FBXW2: variants seen among roughly 807,000 people sequenced by gnomAD.
The protein encoded by FBXW2 is F-box and WD repeat domain containing 2.
Under a neutral mutation model 46.0 loss-of-function variants are expected in FBXW2, and 12 were observed. The ratio of observed to expected loss-of-function variants is 0.26; its 90% CI spans 0.17 to 0.42. The LOEUF (loss-of-function observed/expected upper bound fraction) is 0.42. FBXW2 is among the 10% of genes least tolerant of loss of function. The pLI, the probability that FBXW2 is intolerant of heterozygous loss-of-function variation, is 1.00. For synonymous variants in FBXW2, 203 were observed against 209.6 expected (o/e 0.97, Z 0.27); for missense variants, 360 against 537.0 (o/e 0.67, Z 3.26).
intron 3 of FBXW2, among the ~76,000 whole-genome samples, chr9:120,782,514 G>A (rs892940468): frequency 4.0e-5 from 6 of 151,384 alleles, no homozygotes; most frequent in Non-Finnish European, 7.4e-5. Context: ...TTTTGCCACA[G>A]GCTGTGGGGG....
Position 120,757,875 on chromosome 9 carries a change from G to A in FBXW2, c.*6684C>T, listed in dbSNP as rs924983305. 4 of 152,194 alleles carry A rather than the reference G, an allele frequency of 2.6e-5. No individual in the cohort carries two copies. The highest frequency in any genetic ancestry group is 4.8e-5 in the African/African-American group (2 of 41,454). 9.4% of individuals were successfully genotyped at this position (152,194 alleles called of 1,614,324 possible). A position where few individuals can be genotyped will look rare whatever the true frequency, so the allele number is the denominator to read the frequency against. On this transcript the variant is annotated 3_prime_UTR_variant, in exon 8 of 8. Transcript: ENST00000608872. ...TTACAGGATATGGCAGAAGAGGGAC[G>A]TCTAAGAGAGGAAAAGCTGTGTGGA... is the stretch of plus-strand genomic sequence containing the variant.
chr9:120,771,931 C>T (rs1398652080), intron 6 of FBXW2, among the ~76,000 whole-genome samples: 6 of 151,734 alleles, frequency 4.0e-5, no homozygotes, highest in East Asian at 3.9e-4. Context: ...TGATAGCACA[C>T]GCCTGTAATC....
chr9:120,774,861 A>C (rs1225736886), intron 5 of FBXW2, among the ~76,000 whole-genome samples: 1 of 152,110 alleles, frequency 6.6e-6, no homozygotes, highest in Non-Finnish European at 1.5e-5. Flanking sequence ...CTCTCTGCCC[A>C]TCTTCCCAAC....
At chr9:120,770,059 C>T (rs1588028085) in intron 7 of FBXW2, among the ~76,000 whole-genome samples, 1 of 152,188 alleles carries the variant, frequency 6.6e-6, no homozygotes, top group African/African-American at 2.4e-5. Context: ...TCCACACGAG[C>T]TGACCTCAAA....
At chr9:120,768,298 A>G (rs953006509) in intron 7 of FBXW2, among the ~76,000 whole-genome samples, 1 of 152,202 alleles carries the variant, frequency 6.6e-6, no homozygotes, top group East Asian at 1.9e-4. Context: ...ACTCTGTACT[A>G]GGCTAGGCTC....
intron 7 of FBXW2, among the ~76,000 whole-genome samples, chr9:120,766,274 T>C (rs1166755885): frequency 1.3e-5 from 2 of 152,014 alleles, no homozygotes; most frequent in Admixed American, 6.6e-5. Context: ...TTCTGAATAG[T>C]GAAAGATGTG....
chr9:120,787,320 C>T (rs1050113441), intron 3 of FBXW2, among the ~76,000 whole-genome samples: 1 of 152,178 alleles, frequency 6.6e-6, no homozygotes, highest in East Asian at 1.9e-4. Flanking sequence ...TGAGCCACTG[C>T]GCCCGACCTC....
chr9:120,784,296 A>G (rs1043240241), intron 3 of FBXW2, among the ~76,000 whole-genome samples: 3 of 152,160 alleles, frequency 2.0e-5, no homozygotes, highest in Non-Finnish European at 2.9e-5. Context: ...ATAAGGTTTG[A>G]TGAGAGAAGA....
At position 120,762,118 on chromosome 9, in the gene FBXW2, T is replaced by C. The variant is rs2044204834; in HGVS notation, c.*2441A>G. ...ACTTTGGGAGGCCAAGGCAGGTGGATGACCTGAGGTCAGGAGTTCAAGACC... is the reference window on the plus strand; with the variant it reads ...ACTTTGGGAGGCCAAGGCAGGTGGACGACCTGAGGTCAGGAGTTCAAGACC... On this transcript the variant is annotated 3_prime_UTR_variant, in exon 8 of 8. Coordinates refer to ENST00000608872, the MANE Select transcript of FBXW2 (RefSeq NM_012164.4). 6.6e-6 allele frequency: 1 copy of C among 152,338 alleles called. No individual in the cohort carries two copies. The highest frequency in any genetic ancestry group is 1.5e-5 in the Non-Finnish European group (1 of 68,150). 9.4% of individuals were successfully genotyped at this position (152,338 alleles called of 1,614,324 possible).
At chr9:120,773,258 G>C (rs2044418786) in intron 5 of FBXW2, among the ~76,000 whole-genome samples, 1 of 151,344 alleles carries the variant, frequency 6.6e-6, no homozygotes, top group African/African-American at 2.4e-5. Context: ...GCAAACATTA[G>C]GACTGATTTT....
intron 7 of FBXW2, among the ~76,000 whole-genome samples, chr9:120,768,926 G>A (rs534470913): frequency 1.4e-4 from 21 of 152,298 alleles, no homozygotes; most frequent in Non-Finnish European, 1.8e-4. Flanking sequence ...GGTGGCTACC[G>A]GGTTAGGGCT....
Position 120,779,140 on chromosome 9 carries a change from T to G in FBXW2, c.491-595A>C, listed in dbSNP as rs117459208. Among the ~76,000 whole-genome samples, 1,225 of 152,338 alleles carry G rather than the reference T, an allele frequency of 8.0e-3. 11 individuals are homozygous for G. Among genetic ancestry groups the G allele is most frequent in the Non-Finnish European group, 0.012 (800 of 68,026 alleles). ...ACCTGGGATAAATTATCCCCAGATATTCACAACTCAACAAAAAGTTTGTAA... is the reference window on the plus strand; with the variant it reads ...ACCTGGGATAAATTATCCCCAGATAGTCACAACTCAACAAAAAGTTTGTAA... On this transcript the variant is annotated intron_variant, in intron 3 of 7. Transcript: ENST00000608872.
Position 120,764,161 on chromosome 9 carries a change from G to GA in FBXW2, c.*397dup. The GA allele has an allele frequency of 2.6e-6, 1 of 380,680 alleles. No individual in the cohort carries two copies. Among genetic ancestry groups the GA allele is most frequent in the Non-Finnish European group, 4.6e-6 (1 of 215,442 alleles). The allele number at this position is 380,680 out of a possible 1,614,324, so 23.6% of individuals were successfully genotyped here. A position where few individuals can be genotyped will look rare whatever the true frequency, so the allele number is the denominator to read the frequency against. On this transcript the variant is annotated 3_prime_UTR_variant, in exon 8 of 8. Transcript: ENST00000608872. Reference sequence around the variant, plus strand: ...TAGCACCTTTGCTTCAACTTCAAAAGAAAAAAAGGCTATGGTAAAAAGCTT... The same window carrying GA: ...TAGCACCTTTGCTTCAACTTCAAAAGAAAAAAAAGGCTATGGTAAAAAGCTT...
chr9:120,772,902 T>A (rs975217972), intron 5 of FBXW2, 62 bp from the exon 6 acceptor site: 33 of 1,159,540 alleles, frequency 2.8e-5, no homozygotes, highest in Non-Finnish European at 1.9e-5. Context: ...ATGATTTTAT[T>A]CTTTAAATTA....
Position 120,787,774 on chromosome 9 carries a change from C to T in FBXW2, c.485G>A (p.Cys162Tyr). 1 of 1,612,502 alleles carries T rather than the reference C, an allele frequency of 6.2e-7. No homozygotes were observed. The highest frequency in any genetic ancestry group is 8.5e-7 in the Non-Finnish European group (1 of 1,179,386). The change falls in exon 3 of 8, where the codon TGT becomes TAT. Residue 162 changes from cysteine to tyrosine, a missense_variant. Transcript: ENST00000608872. ...YALYYKDGLLCTGSDDLSAKL... is the reference protein window; with the variant it reads ...YALYYKDGLLYTGSDDLSAKL... ...GCAGTTTCAACATCTCTTACCTGTACAGAGAAGTCCATCTTTGTAGTAAAG... is the reference window on the plus strand; with the variant it reads ...GCAGTTTCAACATCTCTTACCTGTATAGAGAAGTCCATCTTTGTAGTAAAG...
rs1006462831 is a variant in FBXW2 at position 120,760,655 on chromosome 9, CAAAA to C, written c.*3900_*3903del. On this transcript the variant is annotated 3_prime_UTR_variant, in exon 8 of 8. Coordinates refer to ENST00000608872, the MANE Select transcript of FBXW2 (RefSeq NM_012164.4). ...AACATACAAAAAAAACAAAACAAAACAAAAAAAACAGTGATGTTGGTAGGATTCA... is the reference window on the plus strand; with the variant it reads ...AACATACAAAAAAAACAAAACAAAACAAAACAGTGATGTTGGTAGGATTCA... 2.0e-5 allele frequency: 3 copies of C among 151,448 alleles called. No individual in the cohort carries two copies. Among genetic ancestry groups the C allele is most frequent in the Non-Finnish European group, 2.9e-5 (2 of 67,838 alleles). 9.4% of individuals were successfully genotyped at this position (151,448 alleles called of 1,614,324 possible). A position where few individuals can be genotyped will look rare whatever the true frequency, so the allele number is the denominator to read the frequency against.
intron 2 of FBXW2, among the ~76,000 whole-genome samples, chr9:120,790,669 C>T (rs1051472680): frequency 3.3e-5 from 5 of 152,098 alleles, no homozygotes; most frequent in South Asian, 2.1e-4. Context: ...GTTATTCAAA[C>T]GGCTACAAGG....
intron 5 of FBXW2, among the ~76,000 whole-genome samples, chr9:120,774,719 T>C (rs773139127): frequency 1.3e-5 from 2 of 152,220 alleles, no homozygotes; most frequent in Non-Finnish European, 2.9e-5. Flanking sequence ...CCATTCTTCA[T>C]TCAGCAGTTA....
chr9:120,772,060 G>GAAAAA (rs59520792), intron 6 of FBXW2, among the ~76,000 whole-genome samples: 10 of 51,268 alleles, frequency 2.0e-4, no homozygotes, highest in Middle Eastern at 0.012. Flanking sequence ...CCCTGTCTCA[G>GAAAAA]AAAAAAAAAA....
Sources: gnomAD v4.1 joint callset for allele counts (sites outside exome capture counted in the v4.1 genomes callset) on GRCh38, gnomAD v4.1.1 for gene constraint, MANE v1.5 for transcripts, NCBI Gene and HGNC (gene_info 2026-07-23, HGNC 2026-07-21) for gene names.